The following FCN2 variants were observed in gnomAD, a reference collection of about 807,000 sequenced individuals.
The protein encoded by FCN2 is ficolin 2.
A neutral mutation model predicts 32.5 loss-of-function variants in FCN2; 31 were observed. That is an observed-to-expected ratio of 0.96 (90% CI 0.72 to 1.29). FCN2 has a LOEUF of 1.29. FCN2 is among the 50% of genes most tolerant of loss of function. FCN2 has a pLI of 0.00. For missense variants in FCN2, 412 were observed against 406.5 expected (o/e 1.01, Z -0.12); for synonymous variants, 181 against 164.5 (o/e 1.10, Z -0.77).
intron 3 of FCN2, among the ~76,000 whole-genome samples, chr9:134,883,580 G>T (rs1830698814): frequency 7.3e-6 from 1 of 137,596 alleles, no homozygotes; most frequent in Admixed American, 7.2e-5. Flanking sequence ...TTATCAGTGT[G>T]GGAGCTGGTC....
chr9:134,877,275 CTG>C (rs955672158), upstream of FCN2, among the ~76,000 whole-genome samples: 10 of 152,194 alleles, frequency 6.6e-5, no homozygotes, highest in African/African-American at 2.2e-4. Flanking sequence ...ACATTTCACA[CTG>C]TAATTTGCCT....
the FCN2 span, among the ~76,000 whole-genome samples, chr9:134,869,819 G>C: frequency 6.6e-6 from 1 of 152,234 alleles, no homozygotes; most frequent in Non-Finnish European, 1.5e-5. Context: ...AGGTGCTCCT[G>C]ATGCAGGTGA....
chr9:134,872,357 G>T, the FCN2 span, among the ~76,000 whole-genome samples: 2 of 152,208 alleles, frequency 1.3e-5, no homozygotes, highest in Admixed American at 1.3e-4. Flanking sequence ...TTGCTTCCAG[G>T]TGGGGCCATG....
intron 3 of FCN2, 63 bp from the exon 4 acceptor site, chr9:134,884,677 T>C: frequency 6.6e-7 from 1 of 1,521,700 alleles, no homozygotes; most frequent in Non-Finnish European, 9.1e-7. Context: ...CGCGGACCAA[T>C]GGGGGCTGAA....
At chr9:134,868,834 G>A in the FCN2 span, among the ~76,000 whole-genome samples, 2 of 152,176 alleles carry the variant, frequency 1.3e-5, no homozygotes, top group Non-Finnish European at 2.9e-5. This position sits in a 1 kb window ranked among gnomAD's most constrained non-coding sequence, Gnocchi z 4.3. Context: ...TGGCCCTATG[G>A]GTGGATCAGA....
In FCN2 at chr9:134,887,440, C is replaced by A. The variant is rs370376987; in HGVS notation, c.*25C>A. 1.9e-6 allele frequency: 3 copies of A among 1,611,884 alleles called. No homozygotes were observed. The highest frequency in any genetic ancestry group is 2.5e-6 in the Non-Finnish European group (3 of 1,178,434). On this transcript the variant is annotated 3_prime_UTR_variant, in exon 8 of 8. Transcript: ENST00000291744. ...GCCCAGGCCGGCCTCAGGGTCAGGACGCCTCCACACATAGTTGGTTGGGGG... is the reference window on the plus strand; with the variant it reads ...GCCCAGGCCGGCCTCAGGGTCAGGAAGCCTCCACACATAGTTGGTTGGGGG...
At chr9:134,876,716 T>C (rs974912631), upstream of FCN2, among the ~76,000 whole-genome samples, 2 of 152,158 alleles carry the variant, frequency 1.3e-5, no homozygotes, top group Non-Finnish European at 2.9e-5. Flanking sequence ...GAAGCTGAGA[T>C]TACAGGTGCC....
Position 134,885,244 on chromosome 9 carries a change from C to A in FCN2, c.307C>A (p.Arg103Ser). The A allele has an allele frequency of 3.7e-6, 6 of 1,614,088 alleles. No individual in the cohort carries two copies. The highest frequency in any genetic ancestry group is 5.1e-6 in the Non-Finnish European group (6 of 1,180,004). ...TCCCCGGGTTCCCTTCCCAGGCCCG[C>A]GTACCTGCAAGGACCTGCTAGACCG... The part of the protein sequence containing the change: ...GEPQPCLTGP[R>S]TCKDLLDRGH... Residue 103 changes from arginine (R) to serine (S), a missense_variant, in exon 5 of 8, where the codon CGT becomes AGT. Transcript: ENST00000291744.
At chr9:134,880,290 C>A (rs1003001886), upstream of FCN2, among the ~76,000 whole-genome samples, 1 of 152,178 alleles carries the variant, frequency 6.6e-6, no homozygotes, top group Non-Finnish European at 1.5e-5. Context: ...TCCTTTTCAC[C>A]CTGGCAGCCT....
the FCN2 span, among the ~76,000 whole-genome samples, chr9:134,867,544 G>A: frequency 6.7e-5 from 10 of 149,456 alleles, no homozygotes; most frequent in South Asian, 1.9e-3. Context: ...AATGCTAGAT[G>A]ACGAGTTAGT....
chr9:134,881,566 C>T (rs1014774923), intron 1 of FCN2, among the ~76,000 whole-genome samples: 3 of 152,138 alleles, frequency 2.0e-5, no homozygotes, highest in African/African-American at 4.8e-5. Context: ...GTCCTGACTC[C>T]GTCTACCCGG....
In FCN2 at chr9:134,884,784, C is replaced by G. The variant is rs373111930; in HGVS notation, c.301+12C>G. On this transcript the variant is annotated intron_variant, in intron 4 of 7. Coordinates refer to ENST00000291744, the MANE Select transcript of FCN2 (RefSeq NM_004108.3). ...GCCGTGCCTGACAGGTGACTGACCA[C>G]CCCCACACTCCTCCCACGGCTTGTG... 3 of 1,613,254 alleles carry G rather than the reference C, an allele frequency of 1.9e-6. No homozygotes were observed. Among genetic ancestry groups the G allele is most frequent in the Non-Finnish European group, 2.5e-6 (3 of 1,179,334 alleles).
At chr9:134,864,886 C>T in the FCN2 span, among the ~76,000 whole-genome samples, 3 of 152,220 alleles carry the variant, frequency 2.0e-5, no homozygotes, top group Admixed American at 1.3e-4. Context: ...AGGAACAGGG[C>T]CCTGGGGCCA....
upstream of FCN2, chr9:134,880,791 C>T (rs1830650465): frequency 1.3e-6 from 2 of 1,564,302 alleles, no homozygotes; most frequent in South Asian, 2.2e-5. Flanking sequence ...TATAAGAGGG[C>T]AGGCACCTTT....
In FCN2 at chr9:134,885,765, C is replaced by G. The variant is rs1830742637; in HGVS notation, c.430-3C>G. 1.2e-6 allele frequency: 2 copies of G among 1,613,928 alleles called. No homozygotes were observed. The highest frequency in any genetic ancestry group is 1.7e-6 in the Non-Finnish European group (2 of 1,179,984). ...CGGCTCCTGTCCCCTGGCTTCTCCA[C>G]AGGTTTTCCAGCGGAGGGTGGATGG... On this transcript the variant is annotated splice_polypyrimidine_tract_variant and splice_region_variant and intron_variant, in intron 5 of 7. Transcript: ENST00000291744.
rs55865317 is a variant in FCN2, at chr9:134,882,587, G to T, written c.162G>T (p.Gly54=). ...DKLTILRGCP[G]LPGAPGPKGE... is the part of the protein sequence containing the mutation. ...TCACCATTCTCCGAGGCTGTCCGGG[G>T]CTGCCTGGGGCCCCTGGGCCCAAGG... The change falls in exon 2 of 8, where the codon GGG becomes GGT. Residue 54 remains glycine, a synonymous_variant. Transcript: ENST00000291744. 3.1e-6 allele frequency: 5 copies of T among 1,614,048 alleles called. No homozygotes were observed. In the East Asian group the frequency reaches 1.1e-4, roughly 36 times the overall value.
Position 134,885,846 on chromosome 9 carries a change from C to T in FCN2, c.508C>T (p.Leu170=), listed in dbSNP as rs1346553808. 1.2e-6 allele frequency: 2 copies of T among 1,613,866 alleles called. No individual in the cohort carries two copies. Among genetic ancestry groups the T allele is most frequent in the Admixed American group, 3.3e-5 (2 of 60,016 alleles). The part of the protein sequence containing the change: ...ATYKQGFGSR[L]GEFWLGNDNI... ...GTACAAGCAGGGCTTCGGCAGTCGG[C>T]TGGGGGAGTTCTGGCTGGGGAATGA... The change falls in exon 6 of 8, where the codon CTG becomes TTG. Residue 170 remains leucine (L), a synonymous_variant. Transcript: ENST00000291744.
Position 134,885,820 on chromosome 9 carries a change from C to G in FCN2, c.482C>G (p.Thr161Arg), listed in dbSNP as rs146926928. The G allele has an allele frequency of 1.2e-6, 2 of 1,613,764 alleles. No individual in the cohort carries two copies. Among genetic ancestry groups the G allele is most frequent in the African/African-American group, 1.3e-5 (1 of 74,872 alleles). The change falls in exon 6 of 8, where the codon ACG (threonine) becomes AGG (arginine). Residue 161 changes from threonine to arginine, a missense_variant. By Grantham distance (71) the Thr-to-Arg change is moderately conservative. Coordinates refer to ENST00000291744, the MANE Select transcript of FCN2 (RefSeq NM_004108.3). ...GTGGACTTCTACCGGGACTGGGCCA[C>G]GTACAAGCAGGGCTTCGGCAGTCGG... The part of the protein sequence containing the change: ...GSVDFYRDWA[T>R]YKQGFGSRLG...
chr9:134,884,809 G>A (rs766044917), intron 4 of FCN2, 37 bp downstream of exon 4: 6 of 1,602,234 alleles, frequency 3.7e-6, no homozygotes, highest in Non-Finnish European at 5.1e-6. Context: ...CACGGCTTGT[G>A]GCTGCCCTTG....
Sources: gnomAD v4.1 joint callset for allele counts (sites outside exome capture counted in the v4.1 genomes callset) on GRCh38, gnomAD v4.1.1 for gene constraint, Gnocchi (gnomAD v3.1) non-coding constraint, MANE v1.5 for transcripts, NCBI Gene and HGNC (gene_info 2026-07-23, HGNC 2026-07-21) for gene names.